The following EYS variants were observed in gnomAD, a reference collection of about 807,000 sequenced individuals.
EYS encodes the protein protein eyes shut homolog.
In EYS, 250 loss-of-function variants were observed where a neutral mutation model predicts 282.1. That is an observed-to-expected ratio of 0.89 (90% CI 0.80 to 0.98). The LOEUF is 0.98. Among genes scored for constraint, EYS ranks in the 50% least tolerant of loss-of-function variants. The pLI is 0.00. For missense variants in EYS, 4,016 were observed against 3,709.0 expected, an observed-to-expected ratio of 1.08 and a Z score of -2.15; for synonymous variants, 1,355 against 1,282.9, an observed-to-expected ratio of 1.06 and a Z score of -1.20.
Position 65,168,773 on chromosome 6 carries a change from G to T in EYS, c.2024-111046C>A, listed in dbSNP as rs548169973. Among the ~76,000 whole-genome samples the T allele has an allele frequency of 7.3e-5, 11 of 151,304 alleles. No homozygotes were observed. In the South Asian group the frequency reaches 2.3e-3, roughly 31 times the overall value. On this transcript the variant is annotated intron_variant, in intron 12 of 42. Transcript: ENST00000503581. ...AGGTTTTCAACTTCTTTCAAGACGG[G>T]ATTTTACTAGGCAAACTTTTTAAAA...
In EYS at chr6:63,762,645, G is replaced by A; in HGVS notation, c.7899-12C>T. Reference sequence around the variant, plus strand: ...TGGTACAATTGCAGCTGTGGGTTGAGAGAAAGCCGCATGGTTTGAGCACTT... The same window carrying A: ...TGGTACAATTGCAGCTGTGGGTTGAAAGAAAGCCGCATGGTTTGAGCACTT... On this transcript the variant is annotated splice_polypyrimidine_tract_variant and intron_variant, in intron 40 of 42. Coordinates refer to ENST00000503581, the MANE Select transcript of EYS (RefSeq NM_001142800.2). 1 of 1,548,722 alleles carries A rather than the reference G, an allele frequency of 6.5e-7. No individual in the cohort carries two copies. Among genetic ancestry groups the A allele is most frequent in the Non-Finnish European group, 8.7e-7 (1 of 1,145,478 alleles).
intron 5 of EYS, among the ~76,000 whole-genome samples, chr6:65,487,248 T>G (rs1331290518): frequency 6.6e-6 from 1 of 152,210 alleles, no homozygotes; most frequent in Non-Finnish European, 1.5e-5. Flanking sequence ...CCTTGTCTTC[T>G]GCCAGTTTTC....
At chr6:64,409,762 C>T (rs887324114) in intron 28 of EYS, among the ~76,000 whole-genome samples, 2 of 152,060 alleles carry the variant, frequency 1.3e-5, no homozygotes, top group African/African-American at 4.8e-5. Context: ...GTAACACACA[C>T]TATGGTAATT....
At position 63,721,769 on chromosome 6, in the gene EYS, AT is replaced by A; in HGVS notation, c.8261del (p.Asn2754IlefsTer17). The A allele has an allele frequency of 6.4e-7, 1 of 1,550,498 alleles. No individual in the cohort carries two copies. Among genetic ancestry groups the A allele is most frequent in the Non-Finnish European group, 8.7e-7 (1 of 1,146,310 alleles). ...SGDFLCISLV[N>X]SSVQLRYNLG... ...GGTTGTAGCGAAGTTGAACGGAACT[AT>A]TTACTAAAGAGATGCATAAAAAATC... On this transcript the variant is annotated frameshift_variant, in exon 43 of 43. Coordinates refer to ENST00000503581, the MANE Select transcript of EYS (RefSeq NM_001142800.2). LOFTEE classifies it low-confidence loss of function (END_TRUNC).
chr6:63,863,638 T>TTTTTCTTTTCTTTTCTTTTCTTTTC lies in EYS; in HGVS notation c.7228+523_7228+547dup, dbSNP rs144436872. 4.0e-5 allele frequency among the ~76,000 whole-genome samples: 5 copies of TTTTTCTTTTCTTTTCTTTTCTTTTC among 123,756 alleles called. 1 individual carries two copies. The highest frequency in any genetic ancestry group is 2.8e-4 in the South Asian group (1 of 3,572). 81.2% of individuals were successfully genotyped at this position (123,756 alleles called of 152,430 possible). A position where few individuals can be genotyped will look rare whatever the true frequency, so the allele number is the denominator to read the frequency against. On this transcript the variant is annotated intron_variant, in intron 36 of 42. Coordinates refer to ENST00000503581, the MANE Select transcript of EYS (RefSeq NM_001142800.2). ...AACCTCAGGGAAAACTCATTACCACTTTTTCTTTTCTTTTCTTTTCTTTTC... is the reference window on the plus strand; with the variant it reads ...AACCTCAGGGAAAACTCATTACCACTTTTTCTTTTCTTTTCTTTTCTTTTCTTTTCTTTTCTTTTCTTTTCTTTTC...
chr6:64,917,363 G>T (rs910455792), intron 15 of EYS, among the ~76,000 whole-genome samples: 6 of 152,026 alleles, frequency 3.9e-5, no homozygotes, highest in African/African-American at 1.4e-4. Flanking sequence ...TAATGACAAA[G>T]GATCGTTCAG....
chr6:64,185,025 A>G (rs1264029557), intron 31 of EYS, among the ~76,000 whole-genome samples: 1 of 152,052 alleles, frequency 6.6e-6, no homozygotes, highest in Non-Finnish European at 1.5e-5. Context: ...GTGCCCTTAT[A>G]AAAGAGGCTG....
chr6:64,271,506 A>T (rs1472393332), intron 30 of EYS, among the ~76,000 whole-genome samples: 1 of 152,128 alleles, frequency 6.6e-6, no homozygotes, highest in African/African-American at 2.4e-5. Context: ...TATGTTAAAG[A>T]TTTAGGGTTT....
intron 31 of EYS, among the ~76,000 whole-genome samples, chr6:64,194,749 T>C (rs559238691): frequency 6.6e-6 from 1 of 152,248 alleles, no homozygotes; most frequent in African/African-American, 2.4e-5. Flanking sequence ...TCAAAATATA[T>C]TGCTTATTAA....
At chr6:65,090,881 C>G (rs1191074218) in intron 12 of EYS, among the ~76,000 whole-genome samples, 1 of 151,938 alleles carries the variant, frequency 6.6e-6, no homozygotes, top group African/African-American at 2.4e-5. Context: ...TAATACTAAC[C>G]TGTCATAAGG....
chr6:64,175,148 G>T (rs1198495342), intron 31 of EYS, among the ~76,000 whole-genome samples: 1 of 151,842 alleles, frequency 6.6e-6, no homozygotes, highest in Non-Finnish European at 1.5e-5. Context: ...TTCTCTTTAG[G>T]CTTTAATAAT....
intron 5 of EYS, among the ~76,000 whole-genome samples, chr6:65,446,408 G>A (rs955096791): frequency 4.0e-5 from 6 of 151,720 alleles, no homozygotes; most frequent in African/African-American, 1.5e-4. Flanking sequence ...GTATTTTTAA[G>A]CCTGAAAGTT....
intron 22 of EYS, among the ~76,000 whole-genome samples, chr6:64,806,404 T>C (rs1173970382): frequency 6.6e-6 from 1 of 152,044 alleles, no homozygotes; most frequent in Non-Finnish European, 1.5e-5. Flanking sequence ...CCTTCCTCAA[T>C]ATGATACCAG....
At chr6:64,025,640 C>T (rs142591649) in intron 33 of EYS, among the ~76,000 whole-genome samples, 14 of 152,236 alleles carry the variant, frequency 9.2e-5, no homozygotes, top group African/African-American at 2.4e-4. Flanking sequence ...CCCAAAGCTC[C>T]GTCATAGTGG....
intron 8 of EYS, among the ~76,000 whole-genome samples, chr6:65,370,181 G>C (rs9342469): frequency 0.91 from 136,627 of 150,498 alleles, 62,296 homozygotes; most frequent in Non-Finnish European, 0.95. Context: ...CTTAGCTTAC[G>C]CAATGCCTCT....
intron 37 of EYS, among the ~76,000 whole-genome samples, chr6:63,791,780 C>T (rs1314426425): frequency 6.6e-6 from 1 of 152,012 alleles, no homozygotes; most frequent in East Asian, 1.9e-4. Context: ...TGTATTAGAT[C>T]TGGATGTTAG....
chr6:65,638,069 T>C (rs1767151577), intron 2 of EYS, among the ~76,000 whole-genome samples: 1 of 152,120 alleles, frequency 6.6e-6, no homozygotes, highest in Non-Finnish European at 1.5e-5. Context: ...GGCCTGCCAA[T>C]GACAGCCCAT....
chr6:65,065,205 T>C (rs559687976), intron 12 of EYS, among the ~76,000 whole-genome samples: 1 of 152,256 alleles, frequency 6.6e-6, no homozygotes, highest in Non-Finnish European at 1.5e-5. Context: ...AATAAAATCA[T>C]CACAGGACCT....
At chr6:64,023,642 C>T (rs74384480) in intron 33 of EYS, among the ~76,000 whole-genome samples, 4,071 of 152,336 alleles carry the variant, frequency 0.027, 109 homozygotes, top group East Asian at 0.07. Context: ...CACTAGCTCT[C>T]GGCACCTCCT....
Sources: allele counts gnomAD v4.1 joint callset (sites outside exome capture counted in the v4.1 genomes callset), GRCh38; gene constraint gnomAD v4.1.1; transcripts MANE v1.5; gene names NCBI Gene and HGNC (gene_info 2026-07-23, HGNC 2026-07-21).